PCDH15: variants seen among roughly 807,000 people sequenced by gnomAD.
PCDH15 encodes protocadherin related 15, also known as protocadherin-15.
Under a neutral mutation model 178.5 loss-of-function variants are expected in PCDH15, and 129 were observed. The observed-to-expected ratio is 0.72, with a 90% confidence interval of 0.63 to 0.84. PCDH15 has a LOEUF of 0.84. Ranked by LOEUF, PCDH15 falls within the 40% of genes least tolerant of loss-of-function variation. PCDH15 has a pLI of 0.00. For synonymous variants in PCDH15, 800 were observed against 732.0 expected (o/e 1.09, Z -1.50); for missense variants, 2,230 against 2,099.9 (o/e 1.06, Z -1.21).
At chr10:54,151,500 G>A (rs545168089) in intron 14 of PCDH15, among the ~76,000 whole-genome samples, 34 of 152,064 alleles carry the variant, frequency 2.2e-4, no homozygotes, top group South Asian at 6.2e-4. Flanking sequence ...GGATTGTGCC[G>A]CTACACTCTA....
intron 2 of PCDH15, among the ~76,000 whole-genome samples, chr10:54,951,358 T>C (rs1397704388): frequency 6.6e-6 from 1 of 151,938 alleles, no homozygotes; most frequent in Non-Finnish European, 1.5e-5. Flanking sequence ...CACTTAGCAT[T>C]ATGCATTTAG....
intron 3 of PCDH15, among the ~76,000 whole-genome samples, chr10:54,832,354 T>C (rs1953239140): frequency 6.6e-6 from 1 of 151,884 alleles, no homozygotes; most frequent in Non-Finnish European, 1.5e-5. Flanking sequence ...TTTAATATTT[T>C]ATAACATGTC....
At chr10:54,979,039 T>C (rs984449355) in intron 2 of PCDH15, among the ~76,000 whole-genome samples, 15 of 152,182 alleles carry the variant, frequency 9.9e-5, no homozygotes, top group Non-Finnish European at 2.1e-4. Flanking sequence ...ATGTAAATAT[T>C]ATTTATCAAT....
At position 54,023,114 on chromosome 10, in the gene PCDH15, A is replaced by C; in HGVS notation, c.2304T>G (p.Asn768Lys). Residue 768 changes from asparagine (N) to lysine (K), a missense_variant, in exon 19 of 38, where the codon AAT (asparagine) becomes AAG (lysine). Coordinates refer to ENST00000644397, the MANE Select transcript of PCDH15 (RefSeq NM_001384140.1). ...GCTTCACTGCTGTGTAAATGCTCCC[A>C]TTGGATGTGATACGAAAAAGATTAT... Reference protein sequence around the residue: ...NFNNLFRITSNGSIYTAVKLN... With the variant: ...NFNNLFRITSKGSIYTAVKLN... 1 of 1,613,924 alleles carries C rather than the reference A, an allele frequency of 6.2e-7. No homozygotes were observed. The highest frequency in any genetic ancestry group is 1.1e-5 in the South Asian group (1 of 91,076).
Position 54,383,619 on chromosome 10 carries a change from ATGTGTGTTTTTGTG to A in PCDH15, c.158-4691_158-4678del, listed in dbSNP as rs1301928201. Among the ~76,000 whole-genome samples the A allele has an allele frequency of 1.6e-3, 37 of 23,816 alleles. No homozygotes were observed. The East Asian group carries it at 0.03, about 19-fold the overall frequency. 15.6% of individuals were successfully genotyped at this position (23,816 alleles called of 152,430 possible). On this transcript the variant is annotated intron_variant, in intron 3 of 37. Transcript: ENST00000644397. ...AAAGTACAAGCATACCATGCCGTGT[ATGTGTGTTTTTGTG>A]TGTGTGTGTGTGTGTGTGTGTGTGT...
chr10:53,927,171 T>TGTGA (rs1334916686), intron 25 of PCDH15, among the ~76,000 whole-genome samples: 1 of 151,924 alleles, frequency 6.6e-6, no homozygotes, highest in Non-Finnish European at 1.5e-5. Context: ...TGTGTGTGTG[T>TGTGA]GAATGTTAAC....
chr10:55,125,163 T>TGTGTG (rs1554833074), intron 2 of PCDH15, among the ~76,000 whole-genome samples: 1 of 142,980 alleles, frequency 7.0e-6, no homozygotes, highest in Non-Finnish European at 1.5e-5. Context: ...TTTTTTTTAA[T>TGTGTG]TGTGTGTGTG....
chr10:54,251,987 C>T (rs772974163), intron 8 of PCDH15, among the ~76,000 whole-genome samples: 9 of 152,066 alleles, frequency 5.9e-5, no homozygotes, highest in Non-Finnish European at 1.0e-4. Flanking sequence ...TTTTTATCTT[C>T]AGTGTAAAAT....
chr10:54,947,977 T>A (rs561800052), intron 2 of PCDH15, among the ~76,000 whole-genome samples: 174 of 152,098 alleles, frequency 1.1e-3, no homozygotes, highest in African/African-American at 3.9e-3. Flanking sequence ...TCTTACTAAC[T>A]CTTTGGTATT....
At chr10:54,286,966 T>C (rs919243307) in intron 8 of PCDH15, among the ~76,000 whole-genome samples, 1 of 152,198 alleles carries the variant, frequency 6.6e-6, no homozygotes, top group Non-Finnish European at 1.5e-5. Context: ...TCTCATTCTC[T>C]TTTGCTGTAC....
intron 13 of PCDH15, among the ~76,000 whole-genome samples, chr10:54,179,911 C>G (rs138517131): frequency 6.6e-6 from 1 of 152,262 alleles, no homozygotes; most frequent in Admixed American, 6.5e-5. Flanking sequence ...AAATTGACAT[C>G]TTCAAAATAT....
chr10:53,895,523 ACT>A lies in PCDH15; in HGVS notation c.3501+7718_3501+7719del, dbSNP rs2081893308. Among the ~76,000 whole-genome samples, 10 of 152,304 alleles carry A rather than the reference ACT, an allele frequency of 6.6e-5. No homozygotes were observed. In the South Asian group the frequency reaches 2.1e-3, roughly 32 times the overall value. ...AACATTATAACTCAATTCTTCTGACACTGTTTTTCCATATGTGCAACTTGTAA... is the reference window on the plus strand; with the variant it reads ...AACATTATAACTCAATTCTTCTGACAGTTTTTCCATATGTGCAACTTGTAA... On this transcript the variant is annotated intron_variant, in intron 26 of 37. Transcript: ENST00000644397.
At chr10:53,825,087 G>GTATC (rs773683463) in intron 32 of PCDH15, 1 of 1,513,028 alleles carries the variant, frequency 6.6e-7, no homozygotes, top group Non-Finnish European at 8.9e-7. Context: ...CTGTTCTATT[G>GTATC]TATCTATTTT....
intron 20 of PCDH15, among the ~76,000 whole-genome samples, chr10:54,001,035 C>T (rs1034809622): frequency 3.0e-5 from 4 of 132,996 alleles, no homozygotes; most frequent in African/African-American, 1.2e-4. Context: ...AGTGGCATGT[C>T]ATACTTAAAG....
intron 26 of PCDH15, among the ~76,000 whole-genome samples, chr10:53,878,678 A>AT (rs1276207243): frequency 6.6e-6 from 1 of 151,680 alleles, no homozygotes; most frequent in East Asian, 1.9e-4. Context: ...ATATATTAGC[A>AT]TTTATTATGA....
intron 1 of PCDH15, among the ~76,000 whole-genome samples, chr10:55,199,376 G>A (rs919539499): frequency 2.6e-5 from 4 of 152,068 alleles, no homozygotes; most frequent in Admixed American, 1.3e-4. Context: ...TAGGGTATCT[G>A]GCAGAAGAAA....
intron 26 of PCDH15, among the ~76,000 whole-genome samples, chr10:53,876,607 G>A (rs2080265178): frequency 7.2e-6 from 1 of 138,044 alleles, no homozygotes; most frequent in Non-Finnish European, 1.6e-5. Context: ...TACTTTTAGG[G>A]CTATTCAAAA....
intron 1 of PCDH15, among the ~76,000 whole-genome samples, chr10:54,704,849 C>A (rs2095349796): frequency 6.6e-6 from 1 of 152,116 alleles, no homozygotes; most frequent in Non-Finnish European, 1.5e-5. Flanking sequence ...AAATATAAAT[C>A]ATTCTACCAT....
chr10:55,092,477 C>G (rs1328266227), intron 2 of PCDH15, among the ~76,000 whole-genome samples: 2 of 151,664 alleles, frequency 1.3e-5, no homozygotes, highest in African/African-American at 4.8e-5. Context: ...GAATTCTAAA[C>G]CAAGGGTGCA....
Sources: gnomAD v4.1 joint callset for allele counts (sites outside exome capture counted in the v4.1 genomes callset) on GRCh38, gnomAD v4.1.1 for gene constraint, MANE v1.5 for transcripts, NCBI Gene and HGNC (gene_info 2026-07-23, HGNC 2026-07-21) for gene names.